Variants in RAP1A observed in about 807,000 individuals in gnomAD.
The protein encoded by RAP1A is RAP1A, member of RAS oncogene family.
A neutral mutation model predicts 26.4 loss-of-function variants in RAP1A; 6 were observed. That is an observed-to-expected ratio of 0.23 (90% confidence interval 0.12 to 0.45). The LOEUF (loss-of-function observed/expected upper bound fraction) is 0.45. Among genes scored for constraint, RAP1A ranks in the 20% least tolerant of loss-of-function variants. RAP1A has a pLI of 0.99. For synonymous variants in RAP1A, 73 were observed against 79.4 expected (o/e 0.92, Z 0.43); for missense variants, 121 against 217.2 (o/e 0.56, Z 2.78).
In RAP1A at chr1:111,619,819, G is replaced by A. The variant is rs1659120193; in HGVS notation, c.-143G>A. 1 of 399,646 alleles carries A rather than the reference G, an allele frequency of 2.5e-6. No homozygotes were observed. Among genetic ancestry groups the A allele is most frequent in the Non-Finnish European group, 4.4e-6 (1 of 227,192 alleles). 24.8% of individuals were successfully genotyped at this position (399,646 alleles called of 1,614,324 possible). On this transcript the variant is annotated 5_prime_UTR_variant, in exon 1 of 8. Transcript: ENST00000369709. The stretch of plus-strand genomic sequence containing the variant: ...CGCTCCCGAGGCCCCTGCCGCCGCC[G>A]CTCCCGCTGCTGTCGCCGCGCAGAG...
intron 1 of RAP1A, among the ~76,000 whole-genome samples, chr1:111,690,738 C>T (rs1420472225): frequency 5.9e-5 from 9 of 152,084 alleles, no homozygotes; most frequent in African/African-American, 2.2e-4. Context: ...ATAAAGTTTA[C>T]GTTCCTTTTA....
intron 1 of RAP1A, among the ~76,000 whole-genome samples, chr1:111,679,927 C>T (rs1449978019): frequency 6.6e-6 from 1 of 152,204 alleles, no homozygotes; most frequent in Non-Finnish European, 1.5e-5. Context: ...CTCCCTGGTA[C>T]AGAGCACCTG....
intron 1 of RAP1A, among the ~76,000 whole-genome samples, chr1:111,575,155 C>CTT (rs879651592): frequency 2.7e-5 from 4 of 146,572 alleles, no homozygotes; most frequent in Non-Finnish European, 6.0e-5. Context: ...TTCTTTCTTT[C>CTT]TTTTTTTTTT....
At chr1:111,600,193 A>C (rs1373519825) in intron 1 of RAP1A, 2 of 152,182 alleles carry the variant, frequency 1.3e-5, no homozygotes, top group Non-Finnish European at 2.9e-5. Context: ...CAAAGACCAA[A>C]TATGTGTTTC....
At chr1:111,609,030 T>C (rs1393301348) in intron 1 of RAP1A, among the ~76,000 whole-genome samples, 1 of 152,232 alleles carries the variant, frequency 6.6e-6, no homozygotes, top group African/African-American at 2.4e-5. Flanking sequence ...CTGGAACTCA[T>C]TAAAGTCAGC....
chr1:111,657,654 T>C (rs926863668), intron 1 of RAP1A, among the ~76,000 whole-genome samples: 15 of 152,188 alleles, frequency 9.9e-5, no homozygotes, highest in African/African-American at 3.6e-4. Flanking sequence ...GCCCAACTCT[T>C]CATTCTTTTG....
chr1:111,562,780 G>A (rs1657791382), intron 1 of RAP1A, among the ~76,000 whole-genome samples: 1 of 152,204 alleles, frequency 6.6e-6, no homozygotes, highest in Admixed American at 6.5e-5. Flanking sequence ...TGATAGGCTG[G>A]AAGACTAAAA....
intron 4 of RAP1A, 37 bp downstream of exon 4, chr1:111,697,534 T>A: frequency 1.2e-6 from 2 of 1,608,642 alleles, no homozygotes; most frequent in South Asian, 2.2e-5. Flanking sequence ...AGATTTTAAT[T>A]TGTGAGCAGG....
At chr1:111,676,469 G>T (rs989588959) in intron 1 of RAP1A, among the ~76,000 whole-genome samples, 1 of 151,766 alleles carries the variant, frequency 6.6e-6, no homozygotes, top group Non-Finnish European at 1.5e-5. Flanking sequence ...GATTTGGGTG[G>T]GGACACAGAG....
chr1:111,705,358 AGTCCTCT>A (rs1364689104), intron 6 of RAP1A, among the ~76,000 whole-genome samples: 2 of 152,194 alleles, frequency 1.3e-5, no homozygotes, highest in African/African-American at 4.8e-5. Context: ...TTAAGTTATG[AGTCCTCT>A]GTTTTTGCTA....
chr1:111,659,421 T>TG lies in RAP1A; in HGVS notation c.-27-31906dup, dbSNP rs200102287. 1.2e-3 allele frequency among the ~76,000 whole-genome samples: 181 copies of TG among 152,150 alleles called. No homozygotes were observed. The East Asian group carries it at 0.013, about 11-fold the overall frequency. ...AAATTGCAAAAAGCAAAACTATGGA[T>TG]GGGGGGGTCTACTGTATTTATATTT... is the stretch of plus-strand genomic sequence containing the variant. On this transcript the variant is annotated intron_variant, in intron 1 of 7. Coordinates refer to ENST00000369709, the MANE Select transcript of RAP1A (RefSeq NM_002884.4).
intron 1 of RAP1A, among the ~76,000 whole-genome samples, chr1:111,688,362 C>T (rs1348615131): frequency 2.0e-5 from 3 of 148,498 alleles, no homozygotes; most frequent in African/African-American, 7.5e-5. Context: ...CTCTGTTGCC[C>T]AGGCTGCAGT....
chr1:111,681,060 C>T (rs1263135459), intron 1 of RAP1A, among the ~76,000 whole-genome samples: 1 of 152,178 alleles, frequency 6.6e-6, no homozygotes, highest in Non-Finnish European at 1.5e-5. Flanking sequence ...GCCTGGCCAA[C>T]ATGGTGAAAC....
Position 111,703,229 on chromosome 1 carries a change from G to A in RAP1A, c.184-107G>A, listed in dbSNP as rs909705944. ...TTATGTCTTGTTTTCTGTCAGGATA[G>A]CAAGTAATAAAAAATGTTACTCACT... On this transcript the variant is annotated intron_variant, in intron 4 of 7. Coordinates refer to ENST00000369709, the MANE Select transcript of RAP1A (RefSeq NM_002884.4). 3.1e-5 allele frequency: 23 copies of A among 737,512 alleles called. 1 individual carries two copies. Among genetic ancestry groups the A allele is most frequent in the Non-Finnish European group, 4.6e-5 (23 of 503,544 alleles). 45.7% of individuals were successfully genotyped at this position (737,512 alleles called of 1,614,324 possible). A position where few individuals can be genotyped will look rare whatever the true frequency, so the allele number is the denominator to read the frequency against.
intron 6 of RAP1A, among the ~76,000 whole-genome samples, chr1:111,705,201 C>T (rs954402013): frequency 2.0e-5 from 3 of 152,182 alleles, no homozygotes; most frequent in Non-Finnish European, 2.9e-5. Context: ...AGTTCCCTTG[C>T]TTTTGTTAAC....
chr1:111,688,822 G>GTTTTTTTTTTTTTTTTTTTTTTTTTTTTT (rs767753356), intron 1 of RAP1A, among the ~76,000 whole-genome samples: 1 of 90,060 alleles, frequency 1.1e-5, no homozygotes. Flanking sequence ...TTTTTTTTTT[G>GTTTTTTTTTTTTTTTTTTTTTTTTTTTTT]TTTTTTTTTT....
intron 1 of RAP1A, among the ~76,000 whole-genome samples, chr1:111,690,382 T>G (rs888889595): frequency 6.6e-6 from 1 of 152,238 alleles, no homozygotes; most frequent in African/African-American, 2.4e-5. Context: ...GGCCACAGAC[T>G]CAAGTGAATC....
At chr1:111,630,454 CAT>C (rs1224861997) in intron 1 of RAP1A, among the ~76,000 whole-genome samples, 2 of 152,140 alleles carry the variant, frequency 1.3e-5, no homozygotes, top group African/African-American at 4.8e-5. Flanking sequence ...GACGTGCTTT[CAT>C]GGCAATTTTT....
intron 1 of RAP1A, among the ~76,000 whole-genome samples, chr1:111,547,597 G>A (rs74928003): frequency 0.032 from 4,910 of 152,284 alleles, 103 homozygotes; most frequent in Non-Finnish European, 0.05. Context: ...GAGGGTCCTG[G>A]AAATCTGACG....
Sources: gnomAD v4.1 joint callset for allele counts (sites outside exome capture counted in the v4.1 genomes callset) on GRCh38, gnomAD v4.1.1 for gene constraint, MANE v1.5 for transcripts, NCBI Gene and HGNC (gene_info 2026-07-23, HGNC 2026-07-21) for gene names.